Variants in ADCY8 observed in about 807,000 individuals in gnomAD.
ADCY8 encodes adenylate cyclase type 8.
ADCY8 carries 51 observed loss-of-function variants against 119.7 expected under a neutral mutation model. The ratio of observed to expected loss-of-function variants is 0.43; its 90% CI spans 0.34 to 0.54. ADCY8 has a LOEUF of 0.54. Ranked by LOEUF, ADCY8 falls within the 20% of genes least tolerant of loss-of-function variation. The probability of loss-of-function intolerance (pLI) is 0.03; values close to 1 mark genes in which losing one functional copy is unlikely to be tolerated. For synonymous variants in ADCY8, 665 were observed against 651.0 expected (o/e 1.02, Z -0.33); for missense variants, 1,383 against 1,598.8 (o/e 0.87, Z 2.30).
At chr8:130,781,159 G>GT (rs1402401379) in intron 17 of ADCY8, among the ~76,000 whole-genome samples, 3 of 152,224 alleles carry the variant, frequency 2.0e-5, no homozygotes, top group African/African-American at 7.2e-5. Context: ...CAACCAGTGA[G>GT]TGTTCAATTG....
chr8:131,014,323 G>C (rs920489217), intron 1 of ADCY8, among the ~76,000 whole-genome samples: 6 of 152,142 alleles, frequency 3.9e-5, no homozygotes, highest in Non-Finnish European at 7.4e-5. Flanking sequence ...TAAGTGCAAT[G>C]GGTTTTGGTC....
Position 130,988,716 on chromosome 8 carries a change from G to T in ADCY8, c.1110+1677C>A, listed in dbSNP as rs530865636. Among the ~76,000 whole-genome samples the T allele has an allele frequency of 2.0e-5, 3 of 152,176 alleles. No homozygotes were observed. The South Asian group carries it at 6.2e-4, about 32-fold the overall frequency. On this transcript the variant is annotated intron_variant, in intron 2 of 17. Transcript: ENST00000286355. ...CTTCTGCAAACTTAAAAAAAATAAAGATTAGAGAGAATGGTGGATGATTCC... is the reference window on the plus strand; with the variant it reads ...CTTCTGCAAACTTAAAAAAAATAAATATTAGAGAGAATGGTGGATGATTCC...
intron 2 of ADCY8, among the ~76,000 whole-genome samples, chr8:130,986,244 T>C (rs774893777): frequency 9.9e-5 from 15 of 152,206 alleles, no homozygotes; most frequent in Non-Finnish European, 2.2e-4. Flanking sequence ...AGTTTTCTAA[T>C]GGAGGGCACA....
At chr8:130,830,279 T>C (rs1357938317) in intron 12 of ADCY8, among the ~76,000 whole-genome samples, 1 of 152,120 alleles carries the variant, frequency 6.6e-6, no homozygotes, top group African/African-American at 2.4e-5. Flanking sequence ...GGCTCCATCT[T>C]CCCTTCTCTT....
chr8:131,016,011 C>T (rs1158684704), intron 1 of ADCY8, among the ~76,000 whole-genome samples: 1 of 152,210 alleles, frequency 6.6e-6, no homozygotes, highest in Non-Finnish European at 1.5e-5. Flanking sequence ...TGAGTACCTA[C>T]TACATGTCAG....
rs773294723 is a variant in ADCY8 at position 130,780,436 on chromosome 8, T to A, written c.3710A>T (p.Glu1237Val). The A allele has an allele frequency of 1.2e-6, 2 of 1,612,754 alleles. No homozygotes were observed. Among genetic ancestry groups the A allele is most frequent in the East Asian group, 4.5e-5 (2 of 44,834 alleles). Residue 1237 changes from glutamate (E) to valine (V), a missense_variant, in exon 18 of 18, where the codon GAG becomes GTG. Around this residue, in one of 2 missense-constraint regions of ADCY8, gnomAD observed 928 missense variants for 1,163.5 expected, o/e 0.80. Transcript: ENST00000286355. ...RRTLLSPSGT[E>V]PGAQAEGTDK... ...GGTGCCTTCAGCCTGGGCTCCAGGC[T>A]CTGTGCCGCTGGGTGACAACAAAGT...
chr8:130,853,577 GTTT>G (rs5742176), intron 9 of ADCY8, among the ~76,000 whole-genome samples: 32 of 147,644 alleles, frequency 2.2e-4, no homozygotes, highest in African/African-American at 8.1e-4. Context: ...TAAAATTGAT[GTTT>G]TTTTTTTTTT....
intron 8 of ADCY8, among the ~76,000 whole-genome samples, chr8:130,869,976 C>T (rs571215169): frequency 1.4e-5 from 2 of 147,990 alleles, no homozygotes; most frequent in South Asian, 4.4e-4. Flanking sequence ...CTTCCTTCTT[C>T]CTCCTCCTCC....
At chr8:130,797,339 A>G (rs1815614939) in intron 15 of ADCY8, among the ~76,000 whole-genome samples, 1 of 152,178 alleles carries the variant, frequency 6.6e-6, no homozygotes, top group African/African-American at 2.4e-5. Context: ...AAAACACTGG[A>G]CACCCCTGCT....
Position 130,780,394 on chromosome 8 carries a change from G to T in ADCY8, c.3752C>A (p.Pro1251Gln). 1 of 1,458,720 alleles carries T rather than the reference G, an allele frequency of 6.9e-7. No homozygotes were observed. The highest frequency in any genetic ancestry group is 9.1e-7 in the Non-Finnish European group (1 of 1,101,060). 90.4% of individuals were successfully genotyped at this position (1,458,720 alleles called of 1,614,324 possible). A position where few individuals can be genotyped will look rare whatever the true frequency, so the allele number is the denominator to read the frequency against. The change falls in exon 18 of 18, where the codon CCA (proline) becomes CAA (glutamine). Residue 1251 changes from proline to glutamine, a missense_variant. Physicochemically the swap from Pro to Gln is moderately conservative, Grantham distance 76. Coordinates refer to ENST00000286355, the MANE Select transcript of ADCY8 (RefSeq NM_001115.3). ...QAEGTDKSDLP is the reference protein window; with the variant it reads ...QAEGTDKSDLQ ...AAAAACAGAAAGAAAATGCTTTTATGGCAAATCAGATTTGTCGGTGCCTTC... is the reference window on the plus strand; with the variant it reads ...AAAAACAGAAAGAAAATGCTTTTATTGCAAATCAGATTTGTCGGTGCCTTC...
intron 15 of ADCY8, among the ~76,000 whole-genome samples, chr8:130,789,129 A>G (rs1377821011): frequency 6.6e-6 from 1 of 152,254 alleles, no homozygotes; most frequent in Non-Finnish European, 1.5e-5. Context: ...GTGTCTAAAC[A>G]TATCAAAACT....
chr8:130,811,714 C>T (rs1022821008), intron 14 of ADCY8, among the ~76,000 whole-genome samples: 3 of 152,200 alleles, frequency 2.0e-5, no homozygotes, highest in Non-Finnish European at 4.4e-5. Flanking sequence ...CAGCCAGGCA[C>T]AGTGGTGACC....
chr8:130,945,345 T>C (rs1433064216), intron 3 of ADCY8, among the ~76,000 whole-genome samples: 1 of 152,252 alleles, frequency 6.6e-6, no homozygotes, highest in African/African-American at 2.4e-5. Context: ...TTTACTAAGC[T>C]ACCTTTGGCA....
Position 130,875,212 on chromosome 8 carries a change from G to T in ADCY8, c.2110-7266C>A, listed in dbSNP as rs2117692. 7.9e-3 allele frequency among the ~76,000 whole-genome samples: 1,201 copies of T among 152,214 alleles called. 20 individuals are homozygous for T. Among genetic ancestry groups the T allele is most frequent in the African/African-American group, 0.026 (1,087 of 41,542 alleles). Reference sequence around the variant, plus strand: ...CAAGACAATAAAGGAGTCTTATAAGGCTACTGTCTCATTAAGGGATGGATT... The same window carrying T: ...CAAGACAATAAAGGAGTCTTATAAGTCTACTGTCTCATTAAGGGATGGATT... On this transcript the variant is annotated intron_variant, in intron 8 of 17. Transcript: ENST00000286355.
At chr8:130,898,697 C>T (rs1340866751) in intron 7 of ADCY8, among the ~76,000 whole-genome samples, 1 of 152,206 alleles carries the variant, frequency 6.6e-6, no homozygotes, top group Non-Finnish European at 1.5e-5. Flanking sequence ...GGCCTTGCTT[C>T]TCAAAGAGTA....
At chr8:131,038,783 A>G (rs1824249069) in intron 1 of ADCY8, among the ~76,000 whole-genome samples, 1 of 152,224 alleles carries the variant, frequency 6.6e-6, no homozygotes, top group Non-Finnish European at 1.5e-5. Flanking sequence ...TTGGTCACCA[A>G]GGCAATAAAA....
At position 130,943,453 on chromosome 8, in the gene ADCY8, A is replaced by G; in HGVS notation, c.1251T>C (p.Phe417=). 6.3e-7 allele frequency: 1 copy of G among 1,583,614 alleles called. No individual in the cohort carries two copies. Among genetic ancestry groups the G allele is most frequent in the Non-Finnish European group, 8.7e-7 (1 of 1,155,416 alleles). ...GGTTGGTAAATCCTTTAACATCTGC[A>G]AAAAGAATACTAAACACAGGGAAGA... ...IHRYENVSIL[F]ADVKGFTNLS... The change falls in exon 4 of 18, where the codon TTT becomes TTC. Residue 417 remains phenylalanine, a synonymous_variant. Coordinates refer to ENST00000286355, the MANE Select transcript of ADCY8 (RefSeq NM_001115.3).
At chr8:130,896,207 C>T (rs1170840666) in intron 7 of ADCY8, among the ~76,000 whole-genome samples, 1 of 152,154 alleles carries the variant, frequency 6.6e-6, no homozygotes, top group Non-Finnish European at 1.5e-5. Context: ...AGCCTGCTGA[C>T]CTCTTAGTAG....
intron 11 of ADCY8, among the ~76,000 whole-genome samples, chr8:130,844,139 G>A (rs981336824): frequency 7.2e-5 from 11 of 152,176 alleles, no homozygotes; most frequent in African/African-American, 2.4e-4. Context: ...AGATGTGCCA[G>A]AGCATATAAT....
Sources: allele counts gnomAD v4.1 joint callset (sites outside exome capture counted in the v4.1 genomes callset), GRCh38; gene constraint gnomAD v4.1.1; regional missense constraint gnomAD v4.1.1; transcripts MANE v1.5; gene names NCBI Gene and HGNC (gene_info 2026-07-23, HGNC 2026-07-21).